Variants in POU2F3 observed in about 807,000 individuals in gnomAD.
POU2F3 encodes the protein POU domain, class 2, transcription factor 3.
Under a neutral mutation model 59.2 loss-of-function variants are expected in POU2F3, and 23 were observed. The observed-to-expected ratio is 0.39, with a 90% confidence interval of 0.28 to 0.55. The LOEUF (loss-of-function observed/expected upper bound fraction) is 0.55. Ranked by LOEUF, POU2F3 falls within the 20% of genes least tolerant of loss-of-function variation. POU2F3 has a pLI of 0.66. For missense variants in POU2F3, 473 were observed against 544.5 expected (o/e 0.87, Z 1.31); for synonymous variants, 190 against 214.6 (o/e 0.89, Z 1.00).
chr11:120,240,328 C>A lies in POU2F3; in HGVS notation c.-16C>A. On this transcript the variant is annotated 5_prime_UTR_variant, in exon 1 of 13. Coordinates refer to ENST00000543440, the MANE Select transcript of POU2F3 (RefSeq NM_014352.4). ...GGGCCTGGGGGGGCGCTGGCTTTGGCCCCGCCTGGGGCAGGATGGTGAATC... is the reference window on the plus strand; with the variant it reads ...GGGCCTGGGGGGGCGCTGGCTTTGGACCCGCCTGGGGCAGGATGGTGAATC... 2 of 1,381,104 alleles carry A rather than the reference C, an allele frequency of 1.4e-6. No homozygotes were observed. The highest frequency in any genetic ancestry group is 1.9e-6 in the Non-Finnish European group (2 of 1,056,186). 85.6% of individuals were successfully genotyped at this position (1,381,104 alleles called of 1,614,324 possible).
intron 2 of POU2F3, among the ~76,000 whole-genome samples, chr11:120,252,557 C>A (rs1333483598): frequency 6.6e-6 from 1 of 152,170 alleles, no homozygotes; most frequent in African/African-American, 2.4e-5. Context: ...TTTCTGCTTT[C>A]TGTGACAGGG....
chr11:120,246,430 A>T lies in POU2F3; in HGVS notation c.29-19A>T, dbSNP rs149510944. On this transcript the variant is annotated intron_variant, in intron 1 of 12. Transcript: ENST00000543440. The stretch of plus-strand genomic sequence containing the variant: ...AAAATTGTGACCTGTTATTAAAATC[A>T]GTTGTGTTTTCCCTGCAGATATCAA... 218 of 1,613,396 alleles carry T rather than the reference A, an allele frequency of 1.4e-4. No homozygotes were observed. The highest frequency in any genetic ancestry group is 2.5e-4 in the African/African-American group (19 of 74,988).
chr11:120,262,304 G>A (rs1011163877), intron 2 of POU2F3, among the ~76,000 whole-genome samples: 17 of 152,102 alleles, frequency 1.1e-4, no homozygotes, highest in African/African-American at 1.9e-4. Context: ...CTATTTTTCC[G>A]AAGTATTTTA....
chr11:120,254,546 G>C (rs527972072), intron 2 of POU2F3, among the ~76,000 whole-genome samples: 3 of 152,206 alleles, frequency 2.0e-5, no homozygotes, highest in Non-Finnish European at 2.9e-5. Context: ...TCCTAGGACT[G>C]TCTAGGAGGT....
At chr11:120,302,742 G>T (rs1022915380) in intron 6 of POU2F3, 2 of 212,636 alleles carry the variant, frequency 9.4e-6, no homozygotes, top group Non-Finnish European at 1.9e-5. Flanking sequence ...AGCCCCAAGA[G>T]GGAGACTAGA....
chr11:120,291,200 A>G (rs1261087667), intron 3 of POU2F3, among the ~76,000 whole-genome samples: 1 of 152,254 alleles, frequency 6.6e-6, no homozygotes, highest in Non-Finnish European at 1.5e-5. Flanking sequence ...GTAGGGGAAC[A>G]GCAGGATTAG....
rs186720544 is a variant in POU2F3, at chr11:120,276,580, C to A, written c.132+7336C>A. Reference sequence around the variant, plus strand: ...TTGGGGGTGGTGGGGCAGGGCAGGGCGGGGCAGGCTAAGAAAGAGAAGAGG... The same window carrying A: ...TTGGGGGTGGTGGGGCAGGGCAGGGAGGGGCAGGCTAAGAAAGAGAAGAGG... On this transcript the variant is annotated intron_variant, in intron 3 of 12. Coordinates refer to ENST00000543440, the MANE Select transcript of POU2F3 (RefSeq NM_014352.4). 2.9e-3 allele frequency among the ~76,000 whole-genome samples: 427 copies of A among 148,704 alleles called. 1 individual carries two copies. Among genetic ancestry groups the A allele is most frequent in the African/African-American group, 0.01 (408 of 40,740 alleles).
At position 120,240,209 on chromosome 11, in the gene POU2F3, ACGGCTCCGGCAGCGGCTCCCGCGGCGG is replaced by A; in HGVS notation, c.-130_-104del. Reference sequence around the variant, plus strand: ...AGCGGAGCGCGCGACAGTGGCGGCGACGGCTCCGGCAGCGGCTCCCGCGGCGGCGGCGGCCGGGAACTGGAGGAAGGA... The same window carrying A: ...AGCGGAGCGCGCGACAGTGGCGGCGACGGCGGCCGGGAACTGGAGGAAGGA... On this transcript the variant is annotated 5_prime_UTR_variant, in exon 1 of 13. Coordinates refer to ENST00000543440, the MANE Select transcript of POU2F3 (RefSeq NM_014352.4). 4 of 1,240,802 alleles carry A rather than the reference ACGGCTCCGGCAGCGGCTCCCGCGGCGG, an allele frequency of 3.2e-6. No homozygotes were observed. The East Asian group carries it at 1.3e-4, about 40-fold the overall frequency. The allele number at this position is 1,240,802 out of a possible 1,614,324, so 76.9% of individuals were successfully genotyped here.
chr11:120,274,530 T>C (rs1940242003), intron 3 of POU2F3, among the ~76,000 whole-genome samples: 1 of 152,168 alleles, frequency 6.6e-6, no homozygotes, highest in Non-Finnish European at 1.5e-5. Flanking sequence ...TAGCTTGAGA[T>C]GCTGAACATT....
intron 1 of POU2F3, among the ~76,000 whole-genome samples, chr11:120,242,455 G>T (rs1312272335): frequency 1.3e-5 from 2 of 152,084 alleles, no homozygotes; most frequent in East Asian, 1.9e-4. Flanking sequence ...TTGGAAATGT[G>T]GTCTCTTTTG....
intron 1 of POU2F3, among the ~76,000 whole-genome samples, chr11:120,243,639 C>T (rs530929381): frequency 4.7e-4 from 72 of 152,268 alleles, no homozygotes; most frequent in Admixed American, 1.0e-3. Context: ...AAGTGCTGTC[C>T]GACAGGTGAA....
chr11:120,299,240 A>T, intron 4 of POU2F3, among the ~76,000 whole-genome samples: 1 of 152,228 alleles, frequency 6.6e-6, no homozygotes, highest in African/African-American at 2.4e-5. Flanking sequence ...CATGAGATTT[A>T]AAAAGAATTG....
chr11:120,309,709 T>C, intron 10 of POU2F3, 123 bp downstream of exon 10: 2 of 1,150,432 alleles, frequency 1.7e-6, no homozygotes, highest in Non-Finnish European at 2.4e-6. Flanking sequence ...AGATGCTGTA[T>C]AGAATATAGT....
At position 120,305,074 on chromosome 11, in the gene POU2F3, C is replaced by T. The variant is rs1240389112; in HGVS notation, c.489C>T (p.His163=). ...PGLPGSSLEP[H]LEASQHLPVP... ...TGCCAGGATCCTCTTTAGAACCCCA[C>T]CTGGAAGCATCCCAGCATCTCCCAG... Residue 163 remains histidine, a synonymous_variant, in exon 7 of 13, where the codon CAC becomes CAT. Transcript: ENST00000543440. The T allele has an allele frequency of 3.1e-6, 5 of 1,613,674 alleles. No individual in the cohort carries two copies. The highest frequency in any genetic ancestry group is 2.2e-5 in the East Asian group (1 of 44,886).
intron 1 of POU2F3, among the ~76,000 whole-genome samples, chr11:120,243,059 G>T (rs1045837793): frequency 4.6e-5 from 7 of 152,118 alleles, no homozygotes; most frequent in African/African-American, 1.4e-4. Context: ...TCTCACAGAC[G>T]GGTGCCAATT....
chr11:120,245,942 C>A (rs1323679028), intron 1 of POU2F3, among the ~76,000 whole-genome samples: 1 of 151,956 alleles, frequency 6.6e-6, no homozygotes, highest in Non-Finnish European at 1.5e-5. Flanking sequence ...CCAGGCAGGA[C>A]CTGGGAAGAA....
At chr11:120,236,678 A>C (rs749752799), upstream of POU2F3, 3 of 1,504,780 alleles carry the variant, frequency 2.0e-6, no homozygotes, top group Middle Eastern at 1.7e-4. Context: ...GGTTTCATGG[A>C]GTCTCCAAGA....
rs1938598959 is a variant in POU2F3 at position 120,240,163 on chromosome 11, G to A, written c.-181G>A. On this transcript the variant is annotated 5_prime_UTR_variant, in exon 1 of 13. Coordinates refer to ENST00000543440, the MANE Select transcript of POU2F3 (RefSeq NM_014352.4). Reference sequence around the variant, plus strand: ...GGAGTGTGGCAATCCTGGCGGCGCCGAGTGTTGCCCGGGCCGGAGCAGCGG... The same window carrying A: ...GGAGTGTGGCAATCCTGGCGGCGCCAAGTGTTGCCCGGGCCGGAGCAGCGG... The A allele has an allele frequency of 5.0e-6, 6 of 1,211,012 alleles. No homozygotes were observed. The highest frequency in any genetic ancestry group is 3.2e-4 in the Middle Eastern group (1 of 3,078). The allele number at this position is 1,211,012 out of a possible 1,614,324, so 75.0% of individuals were successfully genotyped here. A position where few individuals can be genotyped will look rare whatever the true frequency, so the allele number is the denominator to read the frequency against.
intron 1 of POU2F3, among the ~76,000 whole-genome samples, chr11:120,246,163 G>A: frequency 6.6e-6 from 1 of 152,164 alleles, no homozygotes; most frequent in East Asian, 1.9e-4. Flanking sequence ...CTGAGTCCTG[G>A]TGATAGAAGC....
Sources: gnomAD v4.1 joint callset for allele counts (sites outside exome capture counted in the v4.1 genomes callset) on GRCh38, gnomAD v4.1.1 for gene constraint, MANE v1.5 for transcripts, NCBI Gene and HGNC (gene_info 2026-07-23, HGNC 2026-07-21) for gene names.